The following DNHD1 variants were observed in gnomAD, a reference collection of about 807,000 sequenced individuals.
DNHD1 encodes dynein heavy chain domain 1, also known as dynein heavy chain domain-containing protein 1.
A neutral mutation model predicts 458.1 loss-of-function variants in DNHD1; 383 were observed. The ratio of observed to expected loss-of-function variants is 0.84; its 90% confidence interval spans 0.77 to 0.91. The LOEUF is 0.91. Ranked by LOEUF, DNHD1 falls within the 40% of genes least tolerant of loss-of-function variation. DNHD1 has a pLI of 0.00. For missense variants in DNHD1, 5,336 were observed against 5,866.1 expected (o/e 0.91, Z 2.95); for synonymous variants, 2,203 against 2,376.9 (o/e 0.93, Z 2.13).
At chr11:6,507,702 C>T (rs541802834) in intron 4 of DNHD1, among the ~76,000 whole-genome samples, 1 of 141,846 alleles carries the variant, frequency 7.0e-6, no homozygotes, top group Non-Finnish European at 1.5e-5. Context: ...CTGTGGGAAG[C>T]TAAATGGCCC....
At chr11:6,515,436 T>C (rs1276221760) in intron 7 of DNHD1, among the ~76,000 whole-genome samples, 1 of 152,120 alleles carries the variant, frequency 6.6e-6, no homozygotes, top group Non-Finnish European at 1.5e-5. Context: ...CACTTCTGTT[T>C]AGTCTCTCTT....
chr11:6,518,201 G>A (rs1351224371), intron 7 of DNHD1, among the ~76,000 whole-genome samples: 1 of 152,148 alleles, frequency 6.6e-6, no homozygotes, highest in Non-Finnish European at 1.5e-5. Context: ...TGGGACTACA[G>A]CAGTTGATAC....
rs373463270 is a variant in DNHD1, at chr11:6,571,986, A to T, written c.14262A>T (p.Ter4754CysextTer6). 4.5e-5 allele frequency: 72 copies of T among 1,595,782 alleles called. 1 individual carries two copies. The highest frequency in any genetic ancestry group is 1.7e-4 in the South Asian group (15 of 89,310). ...RVHVCSPPLS[*>C] The stretch of plus-strand genomic sequence containing the variant: ...ATGTGTGCAGCCCACCCCTGTCTTG[A>T]GCCCGTCTACCAAAATAAAGTTGTA... Residue 4754 changes from the stop codon to cysteine (C), a stop_lost, in exon 43 of 43, where the codon TGA becomes TGT. Coordinates refer to ENST00000254579, the MANE Select transcript of DNHD1 (RefSeq NM_144666.3). The surrounding 1 kb of genome is among the most constrained non-coding windows in gnomAD (Gnocchi z 5.0).
chr11:6,556,997 G>A lies in DNHD1; in HGVS notation c.7702G>A (p.Val2568Ile). ...ALARGLVRAS[V>I]EAWEAVCNCF... ...GGCACGAGGTCTGGTTAGGGCCTCAGTAGAGGCCTGGGAGGCTGTGTGCAA... is the reference window on the plus strand; with the variant it reads ...GGCACGAGGTCTGGTTAGGGCCTCAATAGAGGCCTGGGAGGCTGTGTGCAA... Residue 2568 changes from valine (V) to isoleucine (I), a missense_variant, in exon 25 of 43, where the codon GTA becomes ATA. Coordinates refer to ENST00000254579, the MANE Select transcript of DNHD1 (RefSeq NM_144666.3). 6.4e-7 allele frequency: 1 copy of A among 1,551,724 alleles called. No homozygotes were observed. Among genetic ancestry groups the A allele is most frequent in the South Asian group, 1.2e-5 (1 of 84,056 alleles).
intron 25 of DNHD1, 29 bp from the exon 26 acceptor site, chr11:6,558,456 G>T: frequency 6.4e-7 from 1 of 1,550,490 alleles, no homozygotes; most frequent in South Asian, 1.2e-5. Flanking sequence ...AGGTAAAGGG[G>T]AGGACATTAG....
intron 10 of DNHD1, 35 bp downstream of exon 10, chr11:6,520,324 C>T: frequency 6.4e-7 from 1 of 1,551,414 alleles, no homozygotes; most frequent in Non-Finnish European, 8.7e-7. Flanking sequence ...GGTAGGAAGG[C>T]TGAAGGAGGG....
rs1853181437 is a variant in DNHD1, at chr11:6,545,158, G to A, written c.4219G>A (p.Asp1407Asn). ...RSCPTGEKNT[D>N]DWESSPNTQT... ...TTGCCCAACTGGTGAGAAAAACACA[G>A]ATGACTGGGAGTCAAGCCCAAACAC... Residue 1407 changes from aspartate (D) to asparagine (N), a missense_variant, in exon 21 of 43, where the codon GAT becomes AAT. Coordinates refer to ENST00000254579, the MANE Select transcript of DNHD1 (RefSeq NM_144666.3). The surrounding 1 kb of genome is among the most constrained non-coding windows in gnomAD (Gnocchi z 4.9). The A allele has an allele frequency of 6.4e-7, 1 of 1,552,120 alleles. No homozygotes were observed. Among genetic ancestry groups the A allele is most frequent in the East Asian group, 2.4e-5 (1 of 40,926 alleles).
intron 3 of DNHD1, among the ~76,000 whole-genome samples, chr11:6,502,109 G>A (rs1852148404): frequency 6.6e-6 from 1 of 152,172 alleles, no homozygotes; most frequent in South Asian, 2.1e-4. Flanking sequence ...TCACTTTTGA[G>A]TTATTGGTAA....
intron 7 of DNHD1, among the ~76,000 whole-genome samples, chr11:6,512,691 T>G (rs1852370185): frequency 6.6e-6 from 1 of 152,212 alleles, no homozygotes; most frequent in Admixed American, 6.5e-5. Flanking sequence ...CTACTCTGTT[T>G]TCCTTTTTCT....
At chr11:6,525,257 A>G (rs937498733) in intron 10 of DNHD1, among the ~76,000 whole-genome samples, 1 of 152,190 alleles carries the variant, frequency 6.6e-6, no homozygotes, top group South Asian at 2.1e-4. Context: ...ACTCACTTTT[A>G]CATCTCACCA....
Position 6,498,501 on chromosome 11 carries a change from G to C in DNHD1, c.286G>C (p.Glu96Gln). The C allele has an allele frequency of 6.2e-7, 1 of 1,614,204 alleles. No homozygotes were observed. Among genetic ancestry groups the C allele is most frequent in the Non-Finnish European group, 8.5e-7 (1 of 1,180,018 alleles). ...AVLGLLPPYR[E>Q]LLVGHLDLLP... ...ACTGGGTCTACTGCCTCCATATCGT[G>C]AGTTGCTAGTTGGCCACCTTGATTT... is the stretch of plus-strand genomic sequence containing the variant. The change falls in exon 3 of 43, where the codon GAG (glutamate) becomes CAG (glutamine). Residue 96 changes from glutamate to glutamine, a missense_variant. Transcript: ENST00000254579.
rs1421267429 is a variant in DNHD1, at chr11:6,547,031, T to C, written c.6092T>C (p.Leu2031Pro). ...QGCQPVEITH[L>P]YPSGLSPQEF... ...TGCCAGCCTGTGGAAATTACCCACC[T>C]GTACCCCAGTGGCCTCAGCCCCCAG... is the stretch of plus-strand genomic sequence containing the variant. Residue 2031 changes from leucine (L) to proline (P), a missense_variant, in exon 21 of 43, where the codon CTG becomes CCG. Transcript: ENST00000254579. 1 of 1,551,436 alleles carries C rather than the reference T, an allele frequency of 6.4e-7. No individual in the cohort carries two copies. Among genetic ancestry groups the C allele is most frequent in the East Asian group, 2.4e-5 (1 of 40,892 alleles).
chr11:6,559,306 T>C (rs908620108), intron 28 of DNHD1, 23 bp downstream of exon 28: 2 of 1,543,966 alleles, frequency 1.3e-6, no homozygotes, highest in African/African-American at 1.4e-5. Flanking sequence ...TTTTGAGGCT[T>C]CCATGGTGGT....
intron 4 of DNHD1, 90 bp downstream of exon 4, chr11:6,503,016 C>T (rs1287137413): frequency 1.4e-6 from 2 of 1,425,078 alleles, no homozygotes; most frequent in Non-Finnish European, 1.9e-6. Context: ...CGTGCGCACC[C>T]TTCTCCCTGT....
Position 6,497,885 on chromosome 11 carries a change from C to G in DNHD1, c.-331C>G, listed in dbSNP as rs1027093992. 2 of 317,074 alleles carry G rather than the reference C, an allele frequency of 6.3e-6. No individual in the cohort carries two copies. The highest frequency in any genetic ancestry group is 4.6e-5 in the Admixed American group (1 of 21,866). 19.6% of individuals were successfully genotyped at this position (317,074 alleles called of 1,614,324 possible). A position where few individuals can be genotyped will look rare whatever the true frequency, so the allele number is the denominator to read the frequency against. On this transcript the variant is annotated 5_prime_UTR_variant, in exon 3 of 43. Transcript: ENST00000254579. ...TACTGGGAGGTAAGAAGGAACTCTT[C>G]TGCAAGGAGGGCTCTCACGTCTGTC...
At chr11:6,531,705 CCA>C (rs1358601850) in intron 12 of DNHD1, among the ~76,000 whole-genome samples, 5 of 152,166 alleles carry the variant, frequency 3.3e-5, no homozygotes, top group Admixed American at 2.6e-4. Flanking sequence ...GTCTTAGTAC[CCA>C]GTCATCTTGG....
rs567993367 is a variant in DNHD1 at position 6,566,449 on chromosome 11, G to A, written c.11206+56G>A. The A allele has an allele frequency of 3.9e-6, 6 of 1,548,762 alleles. No homozygotes were observed. In the African/African-American group the frequency reaches 6.8e-5, roughly 18 times the overall value. On this transcript the variant is annotated intron_variant, in intron 34 of 42. Transcript: ENST00000254579. ...GTTGTGTGGACACACTAGGCCCTCA[G>A]CACCAGCCCTAAGAGGGCTTCACTC...
At chr11:6,550,772 T>TATTACC (rs1304890310) in intron 24 of DNHD1, among the ~76,000 whole-genome samples, 1 of 152,040 alleles carries the variant, frequency 6.6e-6, no homozygotes, top group Admixed American at 6.5e-5. Context: ...TTACCAGAGA[T>TATTACC]AGAAAAGGAC....
In DNHD1 at chr11:6,540,082, A is replaced by G; in HGVS notation, c.3627A>G (p.Ser1209=). Residue 1209 remains serine (S), a splice_region_variant and synonymous_variant, in exon 18 of 43, where the codon TCA becomes TCG. Transcript: ENST00000254579. ...VDKDSGTFIL[S]DYSNLQDSIQ... Reference sequence around the variant, plus strand: ...AAGATAGTGGCACCTTCATCCTCTCAGGTGAGACCCAGACCTTGTGACCTA... The same window carrying G: ...AAGATAGTGGCACCTTCATCCTCTCGGGTGAGACCCAGACCTTGTGACCTA... 6.4e-7 allele frequency: 1 copy of G among 1,551,628 alleles called. No individual in the cohort carries two copies. The highest frequency in any genetic ancestry group is 8.7e-7 in the Non-Finnish European group (1 of 1,146,900).
Sources: allele counts gnomAD v4.1 joint callset (sites outside exome capture counted in the v4.1 genomes callset), GRCh38; gene constraint gnomAD v4.1.1; non-coding constraint Gnocchi (gnomAD v3.1); transcripts MANE v1.5; gene names NCBI Gene and HGNC (gene_info 2026-07-23, HGNC 2026-07-21).